AGBL1: variants seen among roughly 807,000 people sequenced by gnomAD.
AGBL1 encodes cytosolic carboxypeptidase 4.
In AGBL1, 130 loss-of-function variants were observed where a neutral mutation model predicts 118.9. The ratio of observed to expected loss-of-function variants is 1.09; its 90% confidence interval spans 0.95 to 1.26. The LOEUF (loss-of-function observed/expected upper bound fraction) is 1.26. Ranked by LOEUF, AGBL1 falls within the 50% of genes most tolerant of loss-of-function variation. AGBL1 has a pLI of 0.00. For synonymous variants in AGBL1, 555 were observed against 478.9 expected (o/e 1.16, Z -2.08); for missense variants, 1,584 against 1,298.1 (o/e 1.22, Z -3.38).
intron 22 of AGBL1, among the ~76,000 whole-genome samples, chr15:86,741,408 A>AAAAAAAAAAAAAAAAAAAAAAAAAAC (rs2077677146): frequency 7.4e-6 from 1 of 135,570 alleles, no homozygotes; most frequent in Non-Finnish European, 1.6e-5. Flanking sequence ...AAAAAAAAAA[A>AAAAAAAAAAAAAAAAAAAAAAAAAAC]AAAAAAAAAA....
At chr15:86,891,967 T>A (rs978424310) in intron 22 of AGBL1, among the ~76,000 whole-genome samples, 1 of 152,214 alleles carries the variant, frequency 6.6e-6, no homozygotes, top group Non-Finnish European at 1.5e-5. Context: ...GGTCCTCTCA[T>A]GTAAATGCTA....
intron 18 of AGBL1, among the ~76,000 whole-genome samples, chr15:86,462,812 A>C (rs1239409656): frequency 6.6e-6 from 1 of 152,000 alleles, no homozygotes; most frequent in African/African-American, 2.4e-5. Flanking sequence ...TATGCACCAC[A>C]TTTTCACATT....
chr15:86,331,223 CA>C (rs71144041), intron 17 of AGBL1, among the ~76,000 whole-genome samples: 7,316 of 97,022 alleles, frequency 0.075, 132 homozygotes, highest in East Asian at 0.15. Context: ...GACTCCATCT[CA>C]AAAAAAAAAA....
At chr15:86,516,433 GCTGA>G (rs549874482) in intron 18 of AGBL1, among the ~76,000 whole-genome samples, 21 of 152,300 alleles carry the variant, frequency 1.4e-4, no homozygotes, top group Admixed American at 5.9e-4. Context: ...AACGCAGAGG[GCTGA>G]CTGTTTCACA....
chr15:86,694,796 G>A (rs988210708), intron 22 of AGBL1, among the ~76,000 whole-genome samples: 47 of 151,860 alleles, frequency 3.1e-4, no homozygotes, highest in African/African-American at 1.1e-3. Context: ...GAAGGTTTTA[G>A]TCATAAAGCG....
intron 18 of AGBL1, among the ~76,000 whole-genome samples, chr15:86,491,888 A>G (rs1466926658): frequency 6.6e-6 from 1 of 151,950 alleles, no homozygotes; most frequent in Non-Finnish European, 1.5e-5. Context: ...AGCATAGTGA[A>G]AGAATGGGAG....
chr15:86,575,279 G>A (rs915043342), intron 21 of AGBL1, among the ~76,000 whole-genome samples: 6 of 151,634 alleles, frequency 4.0e-5, no homozygotes, highest in Non-Finnish European at 7.4e-5. Flanking sequence ...CAGGAGGTTC[G>A]CTTGAGCCTA....
intron 17 of AGBL1, among the ~76,000 whole-genome samples, chr15:86,334,376 C>T (rs2080325622): frequency 1.3e-5 from 2 of 152,126 alleles, no homozygotes; most frequent in Non-Finnish European, 2.9e-5. Context: ...ACATCAATAA[C>T]ATTCAAACTG....
intron 7 of AGBL1, among the ~76,000 whole-genome samples, 161 bp from the exon 8 acceptor site, chr15:86,256,691 TA>T (rs2078900610): frequency 6.6e-6 from 1 of 152,264 alleles, no homozygotes; most frequent in Non-Finnish European, 1.5e-5. Flanking sequence ...TTTGACATTC[TA>T]CATTAAGGCT....
At chr15:86,996,333 C>G (rs2081380195) in intron 24 of AGBL1, among the ~76,000 whole-genome samples, 1 of 152,186 alleles carries the variant, frequency 6.6e-6, no homozygotes, top group Non-Finnish European at 1.5e-5. Flanking sequence ...CTAAGCCCCC[C>G]TCCCAAGGAA....
intron 19 of AGBL1, among the ~76,000 whole-genome samples, chr15:86,523,904 C>T (rs2142203281): frequency 6.6e-6 from 1 of 152,238 alleles, no homozygotes; most frequent in Middle Eastern, 3.4e-3. Context: ...GTGAACATAC[C>T]TGTCTACAAA....
chr15:86,294,819 A>G (rs1010177867), intron 16 of AGBL1, among the ~76,000 whole-genome samples: 2 of 152,162 alleles, frequency 1.3e-5, no homozygotes, highest in African/African-American at 4.8e-5. Context: ...AGATTGAGCA[A>G]AGGTCAAGCC....
chr15:86,841,012 C>A (rs1007992246), intron 22 of AGBL1, among the ~76,000 whole-genome samples: 2 of 152,148 alleles, frequency 1.3e-5, no homozygotes, highest in Non-Finnish European at 2.9e-5. Context: ...TACAAGATTA[C>A]TTTTTTTCAG....
chr15:86,901,223 A>G (rs1362861119), intron 22 of AGBL1, among the ~76,000 whole-genome samples: 1 of 152,140 alleles, frequency 6.6e-6, no homozygotes, highest in South Asian at 2.1e-4. Flanking sequence ...TTCATTTCTA[A>G]AAGATTTTTT....
intron 20 of AGBL1, 123 bp downstream of exon 20, chr15:86,546,256 A>G: frequency 8.8e-7 from 1 of 1,140,740 alleles, no homozygotes. Context: ...CATTTTAATT[A>G]TTCTAACCAT....
chr15:86,961,305 T>A (rs888966375), intron 23 of AGBL1, among the ~76,000 whole-genome samples: 1 of 151,900 alleles, frequency 6.6e-6, no homozygotes, highest in African/African-American at 2.4e-5. Context: ...TACCCAGGCT[T>A]TAGAAAAGAA....
intron 1 of AGBL1, among the ~76,000 whole-genome samples, chr15:86,134,748 G>C (rs1013901619): frequency 2.0e-5 from 3 of 151,498 alleles, no homozygotes; most frequent in African/African-American, 7.3e-5. Context: ...CGAGTAGCTA[G>C]GATTACAGGC....
intron 22 of AGBL1, among the ~76,000 whole-genome samples, chr15:86,879,165 T>G (rs1596583609): frequency 6.6e-6 from 1 of 152,178 alleles, no homozygotes; most frequent in Non-Finnish European, 1.5e-5. Context: ...CCATTCATCC[T>G]CTCTTTGGCC....
At chr15:86,443,988 T>A (rs1219841272) in intron 18 of AGBL1, among the ~76,000 whole-genome samples, 1 of 152,196 alleles carries the variant, frequency 6.6e-6, no homozygotes, top group Non-Finnish European at 1.5e-5. Context: ...GATTGCTGGA[T>A]CATATGATAG....
Sources: allele counts gnomAD v4.1 joint callset (sites outside exome capture counted in the v4.1 genomes callset), GRCh38; gene constraint gnomAD v4.1.1; transcripts MANE v1.5; gene names NCBI Gene and HGNC (gene_info 2026-07-23, HGNC 2026-07-21).